PHF21A: variants seen among roughly 807,000 people sequenced by gnomAD.
PHF21A encodes BHC80a.
PHF21A carries 11 observed loss-of-function variants against 82.5 expected under a neutral mutation model. That is an observed-to-expected ratio of 0.13 (90% CI 0.08 to 0.22). The LOEUF is 0.22. Ranked by LOEUF, PHF21A falls within the 10% of genes least tolerant of loss-of-function variation. PHF21A has a pLI of 1.00. For missense variants in PHF21A, 579 were observed against 837.8 expected, an observed-to-expected ratio of 0.69 and a Z score of 3.81; for synonymous variants, 297 against 302.8, an observed-to-expected ratio of 0.98 and a Z score of 0.20.
chr11:46,084,164 A>G lies in PHF21A; in HGVS notation c.54+2T>C. ...GTGGGAGAAGCCAATAATACAACTT[A>G]CCTGGTGAACCTGAATTTCCACTTT... On this transcript the variant is annotated splice_donor_variant, in intron 4 of 18. Transcript: ENST00000676320. LOFTEE classifies it high-confidence loss of function. 1 of 1,596,778 alleles carries G rather than the reference A, an allele frequency of 6.3e-7. No homozygotes were observed. Among genetic ancestry groups the G allele is most frequent in the Non-Finnish European group, 8.5e-7 (1 of 1,172,976 alleles).
At chr11:46,070,977 T>A (rs1205542884) in intron 6 of PHF21A, among the ~76,000 whole-genome samples, 3 of 152,146 alleles carry the variant, frequency 2.0e-5, no homozygotes, top group Non-Finnish European at 4.4e-5. Context: ...TTTCTGGGGG[T>A]TATTTGGAGA....
chr11:45,988,630 T>G (rs1424426248), intron 6 of PHF21A, among the ~76,000 whole-genome samples: 1 of 152,228 alleles, frequency 6.6e-6, no homozygotes, highest in Non-Finnish European at 1.5e-5. Context: ...GGCTCACCCC[T>G]GTAATCCCAG....
intron 6 of PHF21A, among the ~76,000 whole-genome samples, chr11:46,058,101 ACCTGCAG>A (rs765655766): frequency 2.6e-5 from 4 of 152,152 alleles, no homozygotes; most frequent in Admixed American, 6.5e-5. Flanking sequence ...TCTCACTTAA[ACCTGCAG>A]AAAACAGAAA....
At chr11:45,949,117 G>C (rs1434521653) in intron 13 of PHF21A, among the ~76,000 whole-genome samples, 171 bp from the exon 14 acceptor site, 1 of 152,180 alleles carries the variant, frequency 6.6e-6, no homozygotes, top group East Asian at 1.9e-4. Context: ...GGCTCTCAGA[G>C]ACTCTCTCAG....
chr11:46,107,849 C>CT (rs879723324), intron 1 of PHF21A, among the ~76,000 whole-genome samples: 69 of 146,622 alleles, frequency 4.7e-4, no homozygotes, highest in Admixed American at 1.8e-3. Flanking sequence ...AAATAACTTA[C>CT]TTTTTTTTTT....
intron 6 of PHF21A, among the ~76,000 whole-genome samples, chr11:46,005,728 A>G (rs2095279161): frequency 6.6e-6 from 1 of 152,222 alleles, no homozygotes. Flanking sequence ...GCAATGAATA[A>G]AAGAATAATA....
chr11:46,042,030 ATACTT>A (rs766677590), intron 6 of PHF21A, among the ~76,000 whole-genome samples: 1 of 152,118 alleles, frequency 6.6e-6, no homozygotes, highest in Non-Finnish European at 1.5e-5. Context: ...TTTTCCTACT[ATACTT>A]AATATGATTT....
At chr11:46,087,973 T>A (rs1283749350) in intron 3 of PHF21A, among the ~76,000 whole-genome samples, 1 of 152,066 alleles carries the variant, frequency 6.6e-6, no homozygotes, top group African/African-American at 2.4e-5. Flanking sequence ...CCTAGGCTGG[T>A]CTTGAGCTCC....
intron 7 of PHF21A, among the ~76,000 whole-genome samples, chr11:45,972,420 C>A (rs2093812934): frequency 6.6e-6 from 1 of 152,166 alleles, no homozygotes; most frequent in African/African-American, 2.4e-5. Flanking sequence ...TGATACTACT[C>A]CACCTTTACT....
At chr11:45,993,268 T>C (rs982254869) in intron 6 of PHF21A, among the ~76,000 whole-genome samples, 2 of 152,230 alleles carry the variant, frequency 1.3e-5, no homozygotes, top group African/African-American at 4.8e-5. Context: ...ATTTCCCTAA[T>C]GATGTGATTT....
chr11:46,037,216 G>A (rs2096023739), intron 6 of PHF21A, among the ~76,000 whole-genome samples: 1 of 152,182 alleles, frequency 6.6e-6, no homozygotes, highest in African/African-American at 2.4e-5. Context: ...GGCTATGTTT[G>A]TAGTATATTT....
rs535128296 is a variant in PHF21A, at chr11:45,951,567, T to C, written c.1096-1310A>G. Among the ~76,000 whole-genome samples, 4 of 152,362 alleles carry C rather than the reference T, an allele frequency of 2.6e-5. No homozygotes were observed. In the East Asian group the frequency reaches 7.7e-4, roughly 29 times the overall value. The stretch of plus-strand genomic sequence containing the variant: ...TGTTGAAATGACATACACTTTGTGG[T>C]TGCCAACTAACTACATTCCTAATTT... On this transcript the variant is annotated intron_variant, in intron 11 of 18. Coordinates refer to ENST00000676320, the MANE Select transcript of PHF21A (RefSeq NM_001352027.3).
intron 6 of PHF21A, among the ~76,000 whole-genome samples, chr11:45,983,193 C>T (rs2094366986): frequency 6.6e-6 from 1 of 152,002 alleles, no homozygotes. Flanking sequence ...ACTGCATTCA[C>T]AACTGCTCCT....
At chr11:46,101,254 G>A (rs1011688014) in intron 1 of PHF21A, among the ~76,000 whole-genome samples, 1 of 152,194 alleles carries the variant, frequency 6.6e-6, no homozygotes, top group Non-Finnish European at 1.5e-5. Flanking sequence ...GACATCTTCA[G>A]TAAGTTAAAA....
At chr11:45,939,771 CAAAAAAAAAAAAAAA>C (rs56931455) in intron 15 of PHF21A, among the ~76,000 whole-genome samples, 2 of 60,386 alleles carry the variant, frequency 3.3e-5, no homozygotes, top group African/African-American at 1.3e-4. Flanking sequence ...GAACATAGCC[CAAAAAAAAAAAAAAA>C]AAAAAAAAAG....
In PHF21A at chr11:46,056,462, T is replaced by C. The variant is rs377425089; in HGVS notation, c.153+20292A>G. On this transcript the variant is annotated intron_variant, in intron 6 of 18. Transcript: ENST00000676320. ...AATCCTGATAGTTCTCAAATTAGTA[T>C]GAGCTAATATCACAGTGAAGATTTT... Among the ~76,000 whole-genome samples, 19 of 152,248 alleles carry C rather than the reference T, an allele frequency of 1.2e-4. No homozygotes were observed. The East Asian group carries it at 3.1e-3, about 25-fold the overall frequency.
chr11:46,097,568 C>T (rs2097018316), intron 1 of PHF21A, among the ~76,000 whole-genome samples: 1 of 152,104 alleles, frequency 6.6e-6, no homozygotes, highest in African/African-American at 2.4e-5. Flanking sequence ...TGTTCCGCTC[C>T]CCAACTTTTA....
chr11:46,028,353 A>C (rs1395839899), intron 6 of PHF21A, among the ~76,000 whole-genome samples: 2 of 152,104 alleles, frequency 1.3e-5, no homozygotes, highest in Non-Finnish European at 2.9e-5. Flanking sequence ...TTAATAGTTG[A>C]GTGTTAAGCT....
chr11:45,943,097 T>TATC (rs766174517), intron 15 of PHF21A, among the ~76,000 whole-genome samples: 1 of 150,984 alleles, frequency 6.6e-6, no homozygotes, highest in Non-Finnish European at 1.5e-5. Flanking sequence ...TCTTCCAAGC[T>TATC]ATCATCATCA....
Sources: gnomAD v4.1 joint callset for allele counts (sites outside exome capture counted in the v4.1 genomes callset) on GRCh38, gnomAD v4.1.1 for gene constraint, MANE v1.5 for transcripts, NCBI Gene and HGNC (gene_info 2026-07-23, HGNC 2026-07-21) for gene names.